Variants in EPHB2 observed in about 807,000 individuals in gnomAD.
EPHB2 encodes EPH receptor B2.
EPHB2 carries 18 observed loss-of-function variants against 96.4 expected under a neutral mutation model. The ratio of observed to expected loss-of-function variants is 0.19; its 90% CI spans 0.13 to 0.28. EPHB2 has a LOEUF of 0.28. EPHB2 is among the 10% of genes least tolerant of loss of function. The probability of loss-of-function intolerance (pLI) is 1.00; values close to 1 mark genes in which losing one functional copy is unlikely to be tolerated. For synonymous variants in EPHB2, 506 were observed against 534.1 expected, an observed-to-expected ratio of 0.95 and a Z score of 0.72; for missense variants, 989 against 1,355.4, an observed-to-expected ratio of 0.73 and a Z score of 4.25.
At chr1:22,850,368 C>A (rs564774267) in intron 3 of EPHB2, among the ~76,000 whole-genome samples, 1 of 152,206 alleles carries the variant, frequency 6.6e-6, no homozygotes, top group Non-Finnish European at 1.5e-5. Flanking sequence ...GGGACCCGCA[C>A]GTGGGGCGGT....
intron 1 of EPHB2, among the ~76,000 whole-genome samples, chr1:22,712,667 G>T (rs1325178404): frequency 1.3e-5 from 2 of 152,222 alleles, no homozygotes; most frequent in Admixed American, 1.3e-4. Context: ...GGCTGACTGC[G>T]GTTTCCCGGA....
intron 3 of EPHB2, among the ~76,000 whole-genome samples, chr1:22,853,740 C>G (rs1244857890): frequency 6.6e-6 from 1 of 152,224 alleles, no homozygotes; most frequent in Non-Finnish European, 1.5e-5. Context: ...CAAGGTGTGA[C>G]TGGGAGCATG....
At chr1:22,799,728 G>A (rs1644815521) in intron 3 of EPHB2, among the ~76,000 whole-genome samples, 1 of 152,198 alleles carries the variant, frequency 6.6e-6, no homozygotes, top group Non-Finnish European at 1.5e-5. Flanking sequence ...GTCGTTTGGT[G>A]GAGCAGGAGG....
In EPHB2 at chr1:22,906,239, G is replaced by A; in HGVS notation, c.1888+130G>A. The stretch of plus-strand genomic sequence containing the variant: ...TCAAAGGACCCCCCAAGGCCTGAAG[G>A]TTCAGAATGACCATGAAAGAAGGGC... On this transcript the variant is annotated intron_variant, in intron 10 of 15. Coordinates refer to ENST00000374630, the MANE Select transcript of EPHB2 (RefSeq NM_017449.5). The surrounding 1 kb of genome is among the most constrained non-coding windows in gnomAD (Gnocchi z 4.8). 2 of 1,417,084 alleles carry A rather than the reference G, an allele frequency of 1.4e-6. No individual in the cohort carries two copies. Among genetic ancestry groups the A allele is most frequent in the Non-Finnish European group, 1.9e-6 (2 of 1,031,278 alleles). 87.8% of individuals were successfully genotyped at this position (1,417,084 alleles called of 1,614,324 possible).
chr1:22,711,629 A>G (rs1643148687), intron 1 of EPHB2, among the ~76,000 whole-genome samples: 1 of 151,620 alleles, frequency 6.6e-6, no homozygotes, highest in African/African-American at 2.4e-5. Flanking sequence ...GCGGCGTACA[A>G]TGGGGTCCCC....
rs983952332 is a variant in EPHB2, at chr1:22,785,204, G to A, written c.811+128G>A. On this transcript the variant is annotated intron_variant, in intron 3 of 15. Transcript: ENST00000374630. ...GACCATGAGGCACTCTAGGGCCAGG[G>A]TTTCCAAACCAGCAACCATCGTTCA... 6.7e-6 allele frequency: 8 copies of A among 1,200,598 alleles called. No homozygotes were observed. The South Asian group carries it at 7.7e-5, about 12-fold the overall frequency. The allele number at this position is 1,200,598 out of a possible 1,614,324, so 74.4% of individuals were successfully genotyped here. A position where few individuals can be genotyped will look rare whatever the true frequency, so the allele number is the denominator to read the frequency against.
At chr1:22,827,913 C>T (rs1467474588) in intron 3 of EPHB2, among the ~76,000 whole-genome samples, 1 of 152,198 alleles carries the variant, frequency 6.6e-6, no homozygotes, top group Non-Finnish European at 1.5e-5. Flanking sequence ...CATTTAGAGA[C>T]CTGCACGTGA....
chr1:22,726,063 G>A (rs544013936), intron 1 of EPHB2, among the ~76,000 whole-genome samples: 5 of 152,136 alleles, frequency 3.3e-5, no homozygotes, highest in Admixed American at 3.3e-4. Flanking sequence ...CCATCCATCT[G>A]TCCATCCATT....
chr1:22,847,238 G>A (rs1645556758), intron 3 of EPHB2, among the ~76,000 whole-genome samples: 1 of 152,184 alleles, frequency 6.6e-6, no homozygotes, highest in African/African-American at 2.4e-5. Flanking sequence ...TTCAGATGAG[G>A]AAACGGAGAT....
chr1:22,845,725 C>T (rs1343004125), intron 3 of EPHB2, among the ~76,000 whole-genome samples: 2 of 152,072 alleles, frequency 1.3e-5, no homozygotes, highest in Non-Finnish European at 1.5e-5. Context: ...CACACACCCA[C>T]ACACACACGT....
chr1:22,840,962 G>T (rs1179193886), intron 3 of EPHB2, among the ~76,000 whole-genome samples: 1 of 152,196 alleles, frequency 6.6e-6, no homozygotes. Flanking sequence ...GAAGTGGTCT[G>T]ACTCCCAAAG....
intron 3 of EPHB2, among the ~76,000 whole-genome samples, chr1:22,812,972 C>T (rs1645024003): frequency 6.6e-6 from 1 of 152,218 alleles, no homozygotes. Context: ...TATTTTTCTT[C>T]TGTCACCCAC....
intron 3 of EPHB2, among the ~76,000 whole-genome samples, chr1:22,808,025 T>C (rs985886264): frequency 6.6e-6 from 1 of 151,916 alleles, no homozygotes; most frequent in African/African-American, 2.4e-5. Context: ...TCCCAGCCAC[T>C]TGGGAGGCTG....
chr1:22,844,726 G>C (rs1163023098), intron 3 of EPHB2, among the ~76,000 whole-genome samples: 1 of 152,204 alleles, frequency 6.6e-6, no homozygotes, highest in African/African-American at 2.4e-5. Context: ...AGACGAAGCT[G>C]GGCCAGGCAC....
chr1:22,906,560 T>C lies in EPHB2; in HGVS notation c.1889-150T>C. The C allele has an allele frequency of 1.4e-5, 18 of 1,261,788 alleles. No individual in the cohort carries two copies. In the South Asian group the frequency reaches 2.4e-4, roughly 17 times the overall value. The allele number at this position is 1,261,788 out of a possible 1,614,324, so 78.2% of individuals were successfully genotyped here. The stretch of plus-strand genomic sequence containing the variant: ...TGGAACTTTTCTGGACCCCTGACAT[T>C]CTTGAAGGGGTTCTGTGTCTGCAAG... On this transcript the variant is annotated intron_variant, in intron 10 of 15. Transcript: ENST00000374630. This position sits in a 1 kb window ranked among gnomAD's most constrained non-coding sequence, Gnocchi z 4.8.
intron 5 of EPHB2, among the ~76,000 whole-genome samples, chr1:22,870,271 T>A (rs1638617778): frequency 6.6e-6 from 1 of 152,160 alleles, no homozygotes; most frequent in Non-Finnish European, 1.5e-5. Flanking sequence ...GCTCTGCCTT[T>A]CCAGAGCACC....
In EPHB2 at chr1:22,920,173, G is replaced by C. The variant is rs1251677469; in HGVS notation, c.*6603G>C. ...GAATTGCATGCATCAGGCCTTCCTG[G>C]GGGTAAAAGGGGCTGGCTGTTCCAG... On this transcript the variant is annotated 3_prime_UTR_variant, in exon 16 of 16. Transcript: ENST00000374630. 6.6e-6 allele frequency: 1 copy of C among 152,262 alleles called. No homozygotes were observed. Among genetic ancestry groups the C allele is most frequent in the Non-Finnish European group, 1.5e-5 (1 of 68,072 alleles). The allele number at this position is 152,262 out of a possible 1,614,324, so 9.4% of individuals were successfully genotyped here.
At chr1:22,865,289 A>G (rs747344811) in intron 5 of EPHB2, 77 bp downstream of exon 5, 34 of 1,510,070 alleles carry the variant, frequency 2.3e-5, no homozygotes, top group Non-Finnish European at 3.1e-5. Flanking sequence ...CTCACAAAAG[A>G]CTCCTTCACA....
intron 3 of EPHB2, among the ~76,000 whole-genome samples, chr1:22,837,822 T>G (rs560129189): frequency 1.9e-4 from 29 of 152,306 alleles, no homozygotes; most frequent in African/African-American, 7.0e-4. Flanking sequence ...TTTACCCAGC[T>G]GGTGTGAACC....
Sources: gnomAD v4.1 joint callset for allele counts (sites outside exome capture counted in the v4.1 genomes callset) on GRCh38, gnomAD v4.1.1 for gene constraint, Gnocchi (gnomAD v3.1) non-coding constraint, MANE v1.5 for transcripts, NCBI Gene and HGNC (gene_info 2026-07-23, HGNC 2026-07-21) for gene names.